The following SORCS3 variants were observed in gnomAD, a reference collection of about 807,000 sequenced individuals.
SORCS3 encodes the protein sortilin related VPS10 domain containing receptor 3, also known as VPS10 domain-containing receptor SorCS3.
In SORCS3, 57 loss-of-function variants were observed where a neutral mutation model predicts 146.3. The observed-to-expected ratio is 0.39, with a 90% CI of 0.31 to 0.49. The LOEUF (loss-of-function observed/expected upper bound fraction) is 0.49, where lower values mean the gene tolerates loss of function less well. Among genes scored for constraint, SORCS3 ranks in the 20% least tolerant of loss-of-function variants. The pLI is 0.92. For synonymous variants in SORCS3, 653 were observed against 618.5 expected (o/e 1.06, Z -0.83); for missense variants, 1,341 against 1,575.5 (o/e 0.85, Z 2.52).
chr10:105,088,061 G>A (rs551223514), intron 5 of SORCS3, among the ~76,000 whole-genome samples: 99 of 152,286 alleles, frequency 6.5e-4, no homozygotes, highest in African/African-American at 2.1e-3. Flanking sequence ...GAGGGGCAAG[G>A]CCCAGTGAGC....
intron 1 of SORCS3, among the ~76,000 whole-genome samples, chr10:104,840,192 C>A (rs1403339352): frequency 6.6e-6 from 1 of 151,980 alleles, no homozygotes; most frequent in African/African-American, 2.4e-5. Flanking sequence ...GTTCTCATGG[C>A]AGCTACTGAG....
intron 1 of SORCS3, among the ~76,000 whole-genome samples, chr10:104,696,060 ATT>A (rs2016176601): frequency 8.2e-6 from 1 of 122,066 alleles, no homozygotes; most frequent in Non-Finnish European, 1.6e-5. Context: ...ATATACACAT[ATT>A]ATATATAATA....
chr10:105,062,477 A>T (rs1437525912), intron 5 of SORCS3, among the ~76,000 whole-genome samples: 1 of 152,198 alleles, frequency 6.6e-6, no homozygotes, highest in Non-Finnish European at 1.5e-5. Flanking sequence ...TCTGGGTTCA[A>T]AGCCCATGTT....
intron 14 of SORCS3, among the ~76,000 whole-genome samples, chr10:105,181,979 T>C (rs1388611063): frequency 6.6e-6 from 1 of 152,184 alleles, no homozygotes; most frequent in African/African-American, 2.4e-5. Flanking sequence ...CTCAAAGCTA[T>C]GTTTGAAATT....
At chr10:104,767,600 C>CTCCCCCT (rs113518885) in intron 1 of SORCS3, among the ~76,000 whole-genome samples, 1 of 123,378 alleles carries the variant, frequency 8.1e-6, no homozygotes, top group South Asian at 3.6e-4. Flanking sequence ...GTTTTTATTC[C>CTCCCCCT]TCCCCCTTCC....
intron 15 of SORCS3, 136 bp from the exon 16 acceptor site, chr10:105,200,984 G>C (rs1250359164): frequency 2.2e-6 from 2 of 919,518 alleles, no homozygotes; most frequent in Non-Finnish European, 3.2e-6. Flanking sequence ...GAAACTCCTG[G>C]ATCATTACTG....
intron 11 of SORCS3, among the ~76,000 whole-genome samples, chr10:105,161,291 T>C (rs1421076950): frequency 6.6e-6 from 1 of 152,174 alleles, no homozygotes; most frequent in Non-Finnish European, 1.5e-5. Context: ...CTGCTTGCCC[T>C]GGACACCTTG....
At position 104,906,291 on chromosome 10, in the gene SORCS3, C is replaced by T. The variant is rs570438177; in HGVS notation, c.696-9542C>T. Reference sequence around the variant, plus strand: ...GGACTTTAATTTGTTAAGTGTTGGCCACCTGCTGGAGGCTATCTTTGATTA... The same window carrying T: ...GGACTTTAATTTGTTAAGTGTTGGCTACCTGCTGGAGGCTATCTTTGATTA... On this transcript the variant is annotated intron_variant, in intron 2 of 26. Coordinates refer to ENST00000369701, the MANE Select transcript of SORCS3 (RefSeq NM_014978.3). 2.9e-3 allele frequency among the ~76,000 whole-genome samples: 445 copies of T among 152,212 alleles called. 2 individuals carry two copies. The highest frequency in any genetic ancestry group is 0.019 in the South Asian group (89 of 4,810).
At chr10:105,149,959 A>G (rs1008351841) in intron 9 of SORCS3, among the ~76,000 whole-genome samples, 2 of 152,222 alleles carry the variant, frequency 1.3e-5, no homozygotes, top group African/African-American at 4.8e-5. Context: ...CACTGCATCT[A>G]TAGAGAAGAC....
rs543766117 is a variant in SORCS3 at position 104,747,440 on chromosome 10, C to G, written c.628-95352C>G. Among the ~76,000 whole-genome samples, 18 of 152,262 alleles carry G rather than the reference C, an allele frequency of 1.2e-4. No homozygotes were observed. The South Asian group carries it at 3.7e-3, about 32-fold the overall frequency. On this transcript the variant is annotated intron_variant, in intron 1 of 26. Coordinates refer to ENST00000369701, the MANE Select transcript of SORCS3 (RefSeq NM_014978.3). ...GCTCTAGTGAGGTAGATGAACAGTA[C>G]AGTCACCCACATGAATTCTTATAAT... is the stretch of plus-strand genomic sequence containing the variant.
chr10:104,969,366 G>A (rs935967471), intron 3 of SORCS3, among the ~76,000 whole-genome samples: 2 of 151,106 alleles, frequency 1.3e-5, no homozygotes, highest in African/African-American at 4.9e-5. Flanking sequence ...GAGCATGGAA[G>A]GTGTGGGTTT....
intron 14 of SORCS3, among the ~76,000 whole-genome samples, chr10:105,195,308 A>G (rs2056537868): frequency 6.6e-6 from 1 of 152,110 alleles, no homozygotes; most frequent in African/African-American, 2.4e-5. Flanking sequence ...CAAAATTATT[A>G]TTATCAATTA....
At chr10:104,886,571 T>TATCTATCC (rs1343358682) in intron 2 of SORCS3, among the ~76,000 whole-genome samples, 11 of 149,752 alleles carry the variant, frequency 7.3e-5, no homozygotes, top group Non-Finnish European at 1.6e-4. Context: ...TCTATCTATC[T>TATCTATCC]ATCTATCTAT....
At chr10:105,201,044 G>A in intron 15 of SORCS3, 76 bp from the exon 16 acceptor site, 1 of 1,526,978 alleles carries the variant, frequency 6.5e-7, no homozygotes, top group Non-Finnish European at 8.9e-7. Flanking sequence ...ACAGGCTAAT[G>A]CTTCTTGTTG....
At chr10:105,035,265 GT>G (rs2133698921) in intron 4 of SORCS3, among the ~76,000 whole-genome samples, 1 of 152,290 alleles carries the variant, frequency 6.6e-6, no homozygotes, top group East Asian at 1.9e-4. Context: ...GAATTTTAAG[GT>G]GAGAATTATT....
chr10:104,705,464 A>G lies in SORCS3; in HGVS notation c.627+63510A>G, dbSNP rs568420130. Among the ~76,000 whole-genome samples the G allele has an allele frequency of 1.1e-4, 17 of 152,272 alleles. 2 individuals carry two copies. The South Asian group carries it at 3.3e-3, about 30-fold the overall frequency. Reference sequence around the variant, plus strand: ...CTACATTTTTAAGTGACTTACCTTTATCAGGTCTTTGCAAAACATTTAACT... The same window carrying G: ...CTACATTTTTAAGTGACTTACCTTTGTCAGGTCTTTGCAAAACATTTAACT... On this transcript the variant is annotated intron_variant, in intron 1 of 26. Coordinates refer to ENST00000369701, the MANE Select transcript of SORCS3 (RefSeq NM_014978.3).
rs1012674009 is a variant in SORCS3 at position 105,263,513 on chromosome 10, C to G, written c.*139C>G. Reference sequence around the variant, plus strand: ...CCCTTCATAAATAGCAGGCAAATGCCTAGCTTTGGGAGAAAAGGGCATTCT... The same window carrying G: ...CCCTTCATAAATAGCAGGCAAATGCGTAGCTTTGGGAGAAAAGGGCATTCT... On this transcript the variant is annotated 3_prime_UTR_variant, in exon 27 of 27. Transcript: ENST00000369701. 1 of 753,796 alleles carries G rather than the reference C, an allele frequency of 1.3e-6. No homozygotes were observed. The highest frequency in any genetic ancestry group is 1.8e-5 in the African/African-American group (1 of 56,788). 46.7% of individuals were successfully genotyped at this position (753,796 alleles called of 1,614,324 possible). A position where few individuals can be genotyped will look rare whatever the true frequency, so the allele number is the denominator to read the frequency against.
intron 5 of SORCS3, among the ~76,000 whole-genome samples, chr10:105,075,402 G>T (rs1474973549): frequency 6.6e-6 from 1 of 152,122 alleles, no homozygotes; most frequent in African/African-American, 2.4e-5. Context: ...AATACCAAGT[G>T]CTGGGAGCTC....
intron 1 of SORCS3, among the ~76,000 whole-genome samples, chr10:104,773,043 T>C (rs896507080): frequency 1.3e-5 from 2 of 152,112 alleles, no homozygotes; most frequent in Non-Finnish European, 2.9e-5. Flanking sequence ...GGGTATCTCA[T>C]GGGGAGATAT....
Sources: gnomAD v4.1 joint callset for allele counts (sites outside exome capture counted in the v4.1 genomes callset) on GRCh38, gnomAD v4.1.1 for gene constraint, MANE v1.5 for transcripts, NCBI Gene and HGNC (gene_info 2026-07-23, HGNC 2026-07-21) for gene names.